The following DMD variants were observed in gnomAD, a reference collection of about 807,000 sequenced individuals.
The protein encoded by DMD is dystrophin, also known as mutant dystrophin.
Under a neutral mutation model 330.1 loss-of-function variants are expected in DMD, and 63 were observed. The ratio of observed to expected loss-of-function variants is 0.19; its 90% confidence interval spans 0.16 to 0.24. The LOEUF (loss-of-function observed/expected upper bound fraction) is 0.24, where lower values mean the gene tolerates loss of function less well. DMD is among the 10% of genes least tolerant of loss of function. The pLI is 1.00. For synonymous variants in DMD, 1,223 were observed against 959.8 expected (o/e 1.27, Z -5.07); for missense variants, 3,344 against 2,684.1 (o/e 1.25, Z -5.43).
chrX:33,232,970 C>T (rs1467558898), intron 1 of DMD, among the ~76,000 whole-genome samples: 3 of 111,032 alleles, frequency 2.7e-5, no homozygotes, highest in Non-Finnish European at 1.9e-5. Context: ...TCAAAGGGTA[C>T]GAATTTTTAG....
At chrX:31,999,079 T>C (rs2095608340) in intron 44 of DMD, among the ~76,000 whole-genome samples, 1 of 111,880 alleles carries the variant, frequency 8.9e-6, no homozygotes, top group Non-Finnish European at 1.9e-5. Context: ...GTCAAGTCAA[T>C]TTGGAGAAGT....
At chrX:33,045,082 T>A (rs2094358751) in intron 1 of DMD, among the ~76,000 whole-genome samples, 1 of 111,013 alleles carries the variant, frequency 9.0e-6, no homozygotes, top group East Asian at 2.8e-4. Flanking sequence ...GTCCTTTTTT[T>A]ACAAGGGAAT....
At chrX:32,976,824 A>C (rs1414469098) in intron 2 of DMD, among the ~76,000 whole-genome samples, 1 of 110,985 alleles carries the variant, frequency 9.0e-6, no homozygotes, top group Non-Finnish European at 1.9e-5. Context: ...CCTTTGATTT[A>C]TTTTTTACAA....
At chrX:31,850,594 A>C (rs1453106108) in intron 48 of DMD, among the ~76,000 whole-genome samples, 4 of 112,105 alleles carry the variant, frequency 3.6e-5, no homozygotes, top group Non-Finnish European at 3.8e-5. Context: ...ATCTTCCATC[A>C]TGAGAGAATA....
At chrX:31,252,357 G>C (rs1573953) in intron 63 of DMD, among the ~76,000 whole-genome samples, 303 of 111,256 alleles carry the variant, frequency 2.7e-3, no homozygotes, top group African/African-American at 8.9e-3. Flanking sequence ...CATGCTAAGA[G>C]TAATGGATGT....
At chrX:32,885,586 T>G (rs2084439856) in intron 2 of DMD, among the ~76,000 whole-genome samples, 1 of 111,555 alleles carries the variant, frequency 9.0e-6, no homozygotes, top group African/African-American at 3.3e-5. Context: ...TATATTAAGC[T>G]ATAACGATTA....
At chrX:31,412,141 G>A (rs1342044885) in intron 60 of DMD, among the ~76,000 whole-genome samples, 2 of 94,832 alleles carry the variant, frequency 2.1e-5, no homozygotes, top group African/African-American at 8.2e-5. Context: ...AGCCGAGATC[G>A]CACCACTACA....
At chrX:32,803,054 C>T (rs934111120) in intron 7 of DMD, among the ~76,000 whole-genome samples, 1 of 111,773 alleles carries the variant, frequency 8.9e-6, no homozygotes, top group Admixed American at 9.5e-5. Context: ...ACTAGCTCCT[C>T]TTTGTACCTC....
chrX:32,303,489 A>T (rs1311706703), intron 42 of DMD, among the ~76,000 whole-genome samples: 1 of 111,244 alleles, frequency 9.0e-6, no homozygotes, highest in Non-Finnish European at 1.9e-5. Context: ...CATATACTTA[A>T]ATGCATGTAT....
intron 50 of DMD, among the ~76,000 whole-genome samples, chrX:31,794,192 C>G (rs1412291512): frequency 9.0e-6 from 1 of 111,210 alleles, no homozygotes; most frequent in Non-Finnish European, 1.9e-5. Context: ...TTAATAAAGC[C>G]CACTCTACTT....
chrX:33,276,712 A>T (rs941721927), intron 1 of DMD, among the ~76,000 whole-genome samples: 2 of 112,066 alleles, frequency 1.8e-5, no homozygotes, highest in African/African-American at 6.5e-5. Context: ...TCAATATTAT[A>T]TACATGGGAT....
chrX:31,463,794 T>C (rs1297877882), intron 59 of DMD, among the ~76,000 whole-genome samples: 1 of 111,362 alleles, frequency 9.0e-6, no homozygotes, highest in East Asian at 2.8e-4. Flanking sequence ...TGGTGCTAAA[T>C]AATAATATTC....
intron 62 of DMD, among the ~76,000 whole-genome samples, chrX:31,287,999 A>C (rs2053359376): frequency 9.0e-6 from 1 of 111,614 alleles, no homozygotes; most frequent in Admixed American, 9.5e-5. Flanking sequence ...AATGATAACC[A>C]GTGTCAAGAT....
At chrX:32,887,608 C>G (rs1289214472) in intron 2 of DMD, among the ~76,000 whole-genome samples, 1 of 105,968 alleles carries the variant, frequency 9.4e-6, no homozygotes, top group Non-Finnish European at 1.9e-5. Flanking sequence ...ATTAGCCGGT[C>G]GTTGTGGTGA....
At chrX:32,977,317 A>T (rs753233156) in intron 2 of DMD, among the ~76,000 whole-genome samples, 4 of 111,074 alleles carry the variant, frequency 3.6e-5, no homozygotes, top group South Asian at 3.8e-4. Context: ...AGAAAAAAAG[A>T]AATAATGTAT....
At chrX:31,306,636 G>A (rs1425524555) in intron 62 of DMD, among the ~76,000 whole-genome samples, 4 of 111,582 alleles carry the variant, frequency 3.6e-5, no homozygotes, top group South Asian at 7.4e-4. Flanking sequence ...TTTAGGAAAG[G>A]ACAAGTAAAC....
chrX:31,427,449 C>A (rs2063780172), intron 60 of DMD, among the ~76,000 whole-genome samples: 2 of 111,642 alleles, frequency 1.8e-5, no homozygotes, highest in South Asian at 7.5e-4. Context: ...TTGAAGGGAG[C>A]CTGTGTCATG....
chrX:32,229,862 T>A (rs1041327282), intron 43 of DMD, among the ~76,000 whole-genome samples: 1 of 106,179 alleles, frequency 9.4e-6, no homozygotes, highest in Non-Finnish European at 1.9e-5. Context: ...GAACACAACA[T>A]AAGATTTCTT....
intron 52 of DMD, among the ~76,000 whole-genome samples, chrX:31,692,053 A>G (rs2083160974): frequency 8.9e-6 from 1 of 111,955 alleles, no homozygotes; most frequent in Non-Finnish European, 1.9e-5. Context: ...AAATTTAAGA[A>G]AACCCATCGT....
Sources: gnomAD v4.1 joint callset for allele counts (sites outside exome capture counted in the v4.1 genomes callset) on GRCh38, gnomAD v4.1.1 for gene constraint, MANE v1.5 for transcripts, NCBI Gene and HGNC (gene_info 2026-07-23, HGNC 2026-07-21) for gene names.